The following SV2B variants were observed in gnomAD, a reference collection of about 807,000 sequenced individuals.
SV2B encodes solute carrier family 22 member B2.
Under a neutral mutation model 73.9 loss-of-function variants are expected in SV2B, and 41 were observed. The ratio of observed to expected loss-of-function variants is 0.56; its 90% CI spans 0.43 to 0.72. The LOEUF (loss-of-function observed/expected upper bound fraction) is 0.72. Ranked by LOEUF, SV2B falls within the 30% of genes least tolerant of loss-of-function variation. The pLI, the probability that SV2B is intolerant of heterozygous loss-of-function variation, is 0.00. For synonymous variants in SV2B, 314 were observed against 314.2 expected (o/e 1.00, Z 0.01); for missense variants, 764 against 857.8 (o/e 0.89, Z 1.37).
At chr15:91,150,159 C>A (rs747575992) in intron 1 of SV2B, among the ~76,000 whole-genome samples, 6 of 152,116 alleles carry the variant, frequency 3.9e-5, no homozygotes, top group African/African-American at 1.2e-4. Flanking sequence ...CCCACCACCA[C>A]GCCCAGCCAA....
rs1400432716 is a variant in SV2B, at chr15:91,261,069, T to G, written c.1008+660T>G. Among the ~76,000 whole-genome samples, 1 of 152,172 alleles carries G rather than the reference T, an allele frequency of 6.6e-6. No homozygotes were observed. Among genetic ancestry groups the G allele is most frequent in the African/African-American group, 2.4e-5 (1 of 41,426 alleles). ...TGAAGTCAGGGGTTCAAGACCAGCC[T>G]GGCCAACATGGCAAAACCCCATGTC... On this transcript the variant is annotated intron_variant, in intron 6 of 12. Transcript: ENST00000394232. The surrounding 1 kb of genome is among the most constrained non-coding windows in gnomAD (Gnocchi z 4.7).
chr15:91,264,765 C>T (rs1410014333), intron 6 of SV2B, among the ~76,000 whole-genome samples: 1 of 152,106 alleles, frequency 6.6e-6, no homozygotes, highest in Non-Finnish European at 1.5e-5. Context: ...CAGAGTTCCT[C>T]ATTTTCGGGG....
chr15:91,111,388 A>C (rs2042030813), intron 1 of SV2B, among the ~76,000 whole-genome samples: 1 of 152,200 alleles, frequency 6.6e-6, no homozygotes, highest in South Asian at 2.1e-4. Flanking sequence ...AGAGCCTGTC[A>C]GCTCAGAGCT....
At position 91,197,251 on chromosome 15, in the gene SV2B, A is replaced by G. The variant is rs184453218; in HGVS notation, c.-391-28622A>G. Among the ~76,000 whole-genome samples the G allele has an allele frequency of 1.3e-5, 2 of 150,008 alleles. No individual in the cohort carries two copies. The highest frequency in any genetic ancestry group is 3.9e-4 in the East Asian group (2 of 5,160). On this transcript the variant is annotated intron_variant, in intron 1 of 12. Transcript: ENST00000394232. This position sits in a 1 kb window ranked among gnomAD's most constrained non-coding sequence, Gnocchi z 4.9. ...GTTTTGTTTTGTTTTGTTTTGAGAC[A>G]GAGTTTCATTCTCGTTGCCCAGGCT...
chr15:91,100,392 C>G lies in SV2B; in HGVS notation c.-392+29C>G, dbSNP rs1330433835. ...GGGGACTGCGTTGCTCGCTGCGGTG[C>G]AACCGACCCAGCCGGGGCGCGGACC... On this transcript the variant is annotated intron_variant, in intron 1 of 12. Coordinates refer to ENST00000394232, the MANE Select transcript of SV2B (RefSeq NM_001323032.3). The surrounding 1 kb of genome is among the most constrained non-coding windows in gnomAD (Gnocchi z 6.4). 6.6e-6 allele frequency: 1 copy of G among 152,364 alleles called. No homozygotes were observed. Among genetic ancestry groups the G allele is most frequent in the Non-Finnish European group, 1.5e-5 (1 of 68,132 alleles). The allele number at this position is 152,364 out of a possible 1,614,324, so 9.4% of individuals were successfully genotyped here.
chr15:91,141,748 T>G lies in SV2B; in HGVS notation c.-392+41385T>G, dbSNP rs972321464. Reference sequence around the variant, plus strand: ...CAAATAGTTTGGGTTTTGTTTTGTTTTTTTTTTTGGACAGAGGTCACATTT... The same window carrying G: ...CAAATAGTTTGGGTTTTGTTTTGTTGTTTTTTTTGGACAGAGGTCACATTT... On this transcript the variant is annotated intron_variant, in intron 1 of 12. Transcript: ENST00000394232. This position sits in a 1 kb window ranked among gnomAD's most constrained non-coding sequence, Gnocchi z 4.6. 1.3e-5 allele frequency among the ~76,000 whole-genome samples: 2 copies of G among 151,924 alleles called. No homozygotes were observed. Among genetic ancestry groups the G allele is most frequent in the African/African-American group, 4.8e-5 (2 of 41,384 alleles).
Position 91,252,521 on chromosome 15 carries a change from G to T in SV2B, c.784+1G>T. On this transcript the variant is annotated splice_donor_variant, in intron 4 of 12. Coordinates refer to ENST00000394232, the MANE Select transcript of SV2B (RefSeq NM_001323032.3). LOFTEE classifies it high-confidence loss of function. This position sits in a 1 kb window ranked among gnomAD's most constrained non-coding sequence, Gnocchi z 4.6. Reference sequence around the variant, plus strand: ...GCCTGGAGCATCATCCCACACTATGGTGAGTCATGGCTCCAAACAGCCTAG... The same window carrying T: ...GCCTGGAGCATCATCCCACACTATGTTGAGTCATGGCTCCAAACAGCCTAG... 6.2e-7 allele frequency: 1 copy of T among 1,602,948 alleles called. No homozygotes were observed. The highest frequency in any genetic ancestry group is 8.5e-7 in the Non-Finnish European group (1 of 1,174,262).
intron 9 of SV2B, among the ~76,000 whole-genome samples, chr15:91,276,367 A>G (rs1415615745): frequency 1.3e-5 from 2 of 151,964 alleles, no homozygotes; most frequent in Non-Finnish European, 2.9e-5. Context: ...TGGTTTCATT[A>G]CTTTAGGAAA....
chr15:91,155,650 C>G (rs996326526), intron 1 of SV2B, among the ~76,000 whole-genome samples: 5 of 152,100 alleles, frequency 3.3e-5, no homozygotes, highest in Admixed American at 6.6e-5. Flanking sequence ...ACTGATTTCT[C>G]TCTCCGCTGC....
chr15:91,263,233 CAGAG>C (rs2047979534), intron 6 of SV2B, among the ~76,000 whole-genome samples: 1 of 148,796 alleles, frequency 6.7e-6, no homozygotes, highest in Admixed American at 6.6e-5. Flanking sequence ...GACACACAGA[CAGAG>C]ACAAACAGAC....
intron 1 of SV2B, among the ~76,000 whole-genome samples, chr15:91,217,364 G>C (rs1251788424): frequency 2.0e-5 from 3 of 152,058 alleles, no homozygotes; most frequent in Non-Finnish European, 4.4e-5. Flanking sequence ...AGTATAATAT[G>C]ATAATAGAAA....
chr15:91,281,931 T>G lies in SV2B; in HGVS notation c.1507+70T>G. 8.6e-6 allele frequency: 13 copies of G among 1,510,464 alleles called. No individual in the cohort carries two copies. The South Asian group carries it at 1.0e-4, about 12-fold the overall frequency. 93.6% of individuals were successfully genotyped at this position (1,510,464 alleles called of 1,614,324 possible). ...AACTTGTGTTGTCCAAGAATCAAAA[T>G]GGTCAGGCATAAACTTTAGGAGTAG... is the stretch of plus-strand genomic sequence containing the variant. On this transcript the variant is annotated intron_variant, in intron 10 of 12. Coordinates refer to ENST00000394232, the MANE Select transcript of SV2B (RefSeq NM_001323032.3). This position sits in a 1 kb window ranked among gnomAD's most constrained non-coding sequence, Gnocchi z 4.7.
rs532777882 is a variant in SV2B, at chr15:91,292,679, C to A, written c.*127C>A. 14 of 1,229,056 alleles carry A rather than the reference C, an allele frequency of 1.1e-5. No individual in the cohort carries two copies. In the South Asian group the frequency reaches 1.5e-4, roughly 13 times the overall value. The allele number at this position is 1,229,056 out of a possible 1,614,324, so 76.1% of individuals were successfully genotyped here. A position where few individuals can be genotyped will look rare whatever the true frequency, so the allele number is the denominator to read the frequency against. ...ACGGGAGGAGAAGTTGACTTTGTGA[C>A]CCCTAGTTTAGGACCCACTTCAGCT... On this transcript the variant is annotated 3_prime_UTR_variant, in exon 13 of 13. Coordinates refer to ENST00000394232, the MANE Select transcript of SV2B (RefSeq NM_001323032.3).
At position 91,240,810 on chromosome 15, in the gene SV2B, C is replaced by G. The variant is rs191591654; in HGVS notation, c.452-11009C>G. ...CATGCCTCCGTTCCCCTATGTTTCC[C>G]CCTTCTCCTCTGAGGATGTTAATTA... On this transcript the variant is annotated intron_variant, in intron 2 of 12. Transcript: ENST00000394232. The surrounding 1 kb of genome is among the most constrained non-coding windows in gnomAD (Gnocchi z 4.6). Among the ~76,000 whole-genome samples, 20 of 152,290 alleles carry G rather than the reference C, an allele frequency of 1.3e-4. No homozygotes were observed. The East Asian group carries it at 3.7e-3, about 28-fold the overall frequency.
intron 1 of SV2B, among the ~76,000 whole-genome samples, chr15:91,109,277 C>T (rs1040899825): frequency 2.0e-5 from 3 of 152,212 alleles, no homozygotes; most frequent in South Asian, 4.1e-4. Context: ...TCTTGAATCA[C>T]GGATGTCTGC....
At chr15:91,131,676 A>G (rs2042655125) in intron 1 of SV2B, among the ~76,000 whole-genome samples, 1 of 151,958 alleles carries the variant, frequency 6.6e-6, no homozygotes, top group South Asian at 2.1e-4. Context: ...AAAAAACAAA[A>G]AAGTGGCTGA....
At chr15:91,175,345 C>A (rs2044265530) in intron 1 of SV2B, among the ~76,000 whole-genome samples, 1 of 152,000 alleles carries the variant, frequency 6.6e-6, no homozygotes, top group African/African-American at 2.4e-5. Context: ...ACCTCCGCCT[C>A]CTGGGTTCCA....
At chr15:91,250,779 T>C (rs995881377) in intron 2 of SV2B, among the ~76,000 whole-genome samples, 5 of 152,278 alleles carry the variant, frequency 3.3e-5, no homozygotes, top group African/African-American at 1.2e-4. Flanking sequence ...TACTGAAAAC[T>C]ATAAGACATT....
intron 1 of SV2B, among the ~76,000 whole-genome samples, chr15:91,165,084 C>T (rs2043863123): frequency 6.6e-6 from 1 of 152,114 alleles, no homozygotes. Flanking sequence ...TGCCTGTAAT[C>T]CCAACACTTT....
Sources: allele counts gnomAD v4.1 joint callset (sites outside exome capture counted in the v4.1 genomes callset), GRCh38; gene constraint gnomAD v4.1.1; non-coding constraint Gnocchi (gnomAD v3.1); transcripts MANE v1.5; gene names NCBI Gene and HGNC (gene_info 2026-07-23, HGNC 2026-07-21).